The following LRGUK variants were observed in gnomAD, a reference collection of about 807,000 sequenced individuals.
LRGUK encodes the protein leucine-rich repeat and guanylate kinase domain-containing protein.
Under a neutral mutation model 76.0 loss-of-function variants are expected in LRGUK, and 65 were observed. That is an observed-to-expected ratio of 0.85 (90% CI 0.70 to 1.05). The LOEUF is 1.05. Among genes scored for constraint, LRGUK ranks in the 50% least tolerant of loss-of-function variants. The pLI is 0.00. For synonymous variants in LRGUK, 268 were observed against 265.6 expected, an observed-to-expected ratio of 1.01 and a Z score of -0.09; for missense variants, 758 against 732.8, an observed-to-expected ratio of 1.03 and a Z score of -0.40.
At chr7:134,231,149 C>T (rs914580937) in intron 16 of LRGUK, among the ~76,000 whole-genome samples, 1 of 152,146 alleles carries the variant, frequency 6.6e-6, no homozygotes, top group Non-Finnish European at 1.5e-5. Flanking sequence ...CTTGATGATC[C>T]ATCTGAAGGA....
intron 14 of LRGUK, 85 bp from the exon 15 acceptor site, chr7:134,201,396 T>C: frequency 9.5e-7 from 1 of 1,052,328 alleles, no homozygotes. Context: ...TTAAATGCAG[T>C]AAACAAATCA....
intron 6 of LRGUK, among the ~76,000 whole-genome samples, chr7:134,158,690 T>C (rs1362552067): frequency 6.6e-6 from 1 of 152,132 alleles, no homozygotes; most frequent in Non-Finnish European, 1.5e-5. Flanking sequence ...AATCAGAAAG[T>C]TTAAATTTGA....
At chr7:134,146,704 T>C (rs1297681105) in intron 4 of LRGUK, among the ~76,000 whole-genome samples, 1 of 152,218 alleles carries the variant, frequency 6.6e-6, no homozygotes. Flanking sequence ...TTGGAGTTGT[T>C]TCTAAATTAG....
intron 4 of LRGUK, among the ~76,000 whole-genome samples, chr7:134,145,644 C>T (rs1298316598): frequency 1.3e-5 from 2 of 152,216 alleles, no homozygotes; most frequent in Non-Finnish European, 1.5e-5. Flanking sequence ...AGGTAACTAA[C>T]TTCACCTTTG....
intron 2 of LRGUK, among the ~76,000 whole-genome samples, chr7:134,137,729 C>T (rs1797595364): frequency 6.6e-6 from 1 of 152,114 alleles, no homozygotes; most frequent in African/African-American, 2.4e-5. Context: ...ACTGGGAATA[C>T]TTGCTTCTTT....
chr7:134,163,227 G>T (rs1287053222), intron 6 of LRGUK, among the ~76,000 whole-genome samples, 170 bp from the exon 7 acceptor site: 1 of 152,176 alleles, frequency 6.6e-6, no homozygotes, highest in Non-Finnish European at 1.5e-5. Context: ...TCTGGGGTAT[G>T]TGTAGGTGTT....
At chr7:134,263,567 T>C (rs1453118852) in intron 19 of LRGUK, among the ~76,000 whole-genome samples, 1 of 151,926 alleles carries the variant, frequency 6.6e-6, no homozygotes, top group Non-Finnish European at 1.5e-5. Flanking sequence ...TTCAACCATG[T>C]ACATGCTATA....
At chr7:134,143,029 C>A in intron 3 of LRGUK, 33 bp from the exon 4 acceptor site, 1 of 1,154,408 alleles carries the variant, frequency 8.7e-7, no homozygotes, top group Non-Finnish European at 1.3e-6. Flanking sequence ...ATTTTATTGG[C>A]TTACCTTATT....
chr7:134,269,820 T>A, the LRGUK span, among the ~76,000 whole-genome samples: 1 of 152,128 alleles, frequency 6.6e-6, no homozygotes, highest in African/African-American at 2.4e-5. Context: ...AACCAACCAA[T>A]GAAATCTATC....
At chr7:134,163,953 G>C (rs988904053) in intron 7 of LRGUK, among the ~76,000 whole-genome samples, 1 of 152,106 alleles carries the variant, frequency 6.6e-6, no homozygotes, top group African/African-American at 2.4e-5. Flanking sequence ...GGGCCATGAT[G>C]GGGGGAGTGT....
rs568265490 is a variant in LRGUK at position 134,185,097 on chromosome 7, T to C, written c.1334+1244T>C. Reference sequence around the variant, plus strand: ...TCTTTTTCTTTCCTTCAGGTTAGCATTCAATACACTTCAAGTTTTCTGGAG... The same window carrying C: ...TCTTTTTCTTTCCTTCAGGTTAGCACTCAATACACTTCAAGTTTTCTGGAG... On this transcript the variant is annotated intron_variant, in intron 11 of 15. Coordinates refer to ENST00000645682, the Ensembl canonical transcript of LRGUK. Among the ~76,000 whole-genome samples the C allele has an allele frequency of 2.0e-5, 3 of 152,346 alleles. No individual in the cohort carries two copies. In the South Asian group the frequency reaches 6.2e-4, roughly 32 times the overall value.
intron 18 of LRGUK, among the ~76,000 whole-genome samples, chr7:134,254,907 G>A (rs929647227): frequency 5.9e-5 from 9 of 152,116 alleles, no homozygotes; most frequent in Admixed American, 4.6e-4. Context: ...CTGAAAATGT[G>A]CACAATTACA....
chr7:134,147,967 C>G (rs547007441), intron 4 of LRGUK, among the ~76,000 whole-genome samples: 3 of 149,382 alleles, frequency 2.0e-5, no homozygotes, highest in African/African-American at 4.9e-5. Flanking sequence ...GAGGCTGAGG[C>G]AGGAGAATCA....
rs756547375 is a variant in LRGUK at position 134,176,976 on chromosome 7, G to A, written c.1021-1G>A. The A allele has an allele frequency of 1.9e-6, 3 of 1,571,320 alleles. No homozygotes were observed. The highest frequency in any genetic ancestry group is 2.6e-6 in the Non-Finnish European group (3 of 1,144,992). ...AACAGTCCTCTTGATATTTTAAATAGGAAAAGTCTGAATATTGGTTCTTCG... is the reference window on the plus strand; with the variant it reads ...AACAGTCCTCTTGATATTTTAAATAAGAAAAGTCTGAATATTGGTTCTTCG... On this transcript the variant is annotated splice_acceptor_variant, in intron 8 of 15. Transcript: ENST00000645682. LOFTEE classifies it high-confidence loss of function.
At chr7:134,144,128 T>G (rs1240421780) in intron 4 of LRGUK, among the ~76,000 whole-genome samples, 2 of 152,186 alleles carry the variant, frequency 1.3e-5, no homozygotes, top group Non-Finnish European at 2.9e-5. Context: ...TGCGCATTCT[T>G]GTCTCACCAC....
intron 5 of LRGUK, among the ~76,000 whole-genome samples, chr7:134,149,005 T>G (rs1798093359): frequency 6.6e-6 from 1 of 151,920 alleles, no homozygotes; most frequent in South Asian, 2.1e-4. Context: ...CTAGATATGG[T>G]CATAAGGAAA....
intron 11 of LRGUK, among the ~76,000 whole-genome samples, chr7:134,185,527 CAAA>C: frequency 8.3e-6 from 1 of 120,124 alleles, no homozygotes. Flanking sequence ...GACTCTGTCT[CAAA>C]AAAAAAAAAA....
chr7:134,155,417 CAG>C (rs1225165405), intron 5 of LRGUK, among the ~76,000 whole-genome samples: 1 of 152,150 alleles, frequency 6.6e-6, no homozygotes. Context: ...TTTATGAAAA[CAG>C]ATTTGAAAAT....
the LRGUK span, among the ~76,000 whole-genome samples, chr7:134,273,032 A>G: frequency 7.2e-5 from 11 of 152,188 alleles, no homozygotes; most frequent in African/African-American, 1.9e-4. Flanking sequence ...AGTATTGTCT[A>G]TTTGCCAGAA....
Sources: allele counts gnomAD v4.1 joint callset (sites outside exome capture counted in the v4.1 genomes callset), GRCh38; gene constraint gnomAD v4.1.1; transcripts MANE v1.5; gene names NCBI Gene and HGNC (gene_info 2026-07-23, HGNC 2026-07-21).